The following ARFGAP3 variants were observed in gnomAD, a reference collection of about 807,000 sequenced individuals.
ARFGAP3 encodes ARF GTPase activating protein 3, also known as ADP-ribosylation factor GTPase-activating protein 3.
ARFGAP3 carries 72 observed loss-of-function variants against 75.0 expected under a neutral mutation model. The ratio of observed to expected loss-of-function variants is 0.96; its 90% CI spans 0.79 to 1.17. ARFGAP3 has a LOEUF of 1.17. ARFGAP3 is among the 50% of genes most tolerant of loss of function. ARFGAP3 has a pLI of 0.00. For synonymous variants in ARFGAP3, 221 were observed against 217.9 expected (o/e 1.01, Z -0.13); for missense variants, 620 against 626.6 (o/e 0.99, Z 0.11).
At chr22:42,801,362 A>G (rs868431922) in intron 14 of ARFGAP3, among the ~76,000 whole-genome samples, 4 of 152,192 alleles carry the variant, frequency 2.6e-5, no homozygotes, top group Middle Eastern at 3.2e-3. Flanking sequence ...AATGCCCTGG[A>G]TGGGTCAGGA....
intron 1 of ARFGAP3, among the ~76,000 whole-genome samples, chr22:42,852,069 T>C (rs1214014032): frequency 6.6e-6 from 1 of 151,556 alleles, no homozygotes. Flanking sequence ...ATCTTGAAAT[T>C]CTTTTTTTTT....
At chr22:42,856,983 G>T in intron 1 of ARFGAP3, 131 bp downstream of exon 1, 3 of 879,554 alleles carry the variant, frequency 3.4e-6, no homozygotes, top group Non-Finnish European at 4.4e-6. Context: ...AGGCTGCCGC[G>T]GCCCCACAGT....
At position 42,817,994 on chromosome 22, in the gene ARFGAP3, TTGG is replaced by T. The variant is rs754113999; in HGVS notation, c.813-140_813-138del. 3.4e-5 allele frequency: 42 copies of T among 1,234,036 alleles called. 1 individual carries two copies. The highest frequency in any genetic ancestry group is 6.0e-4 in the Middle Eastern group (2 of 3,354). The allele number at this position is 1,234,036 out of a possible 1,614,324, so 76.4% of individuals were successfully genotyped here. ...CATAATTAACAATTATGAAGGCAAGTTGGTGTTTTTTCTACCTGCCTTTTTTGA... is the reference window on the plus strand; with the variant it reads ...CATAATTAACAATTATGAAGGCAAGTTGTTTTTTCTACCTGCCTTTTTTGA... On this transcript the variant is annotated intron_variant, in intron 9 of 15. Transcript: ENST00000263245.
intron 14 of ARFGAP3, among the ~76,000 whole-genome samples, chr22:42,803,554 C>G (rs1327716742): frequency 1.3e-5 from 2 of 152,236 alleles, no homozygotes; most frequent in Admixed American, 1.3e-4. Context: ...GGCTCTCACA[C>G]AGCTGCCTCC....
At position 42,834,248 on chromosome 22, in the gene ARFGAP3, A is replaced by G. The variant is rs1926422611; in HGVS notation, c.471T>C (p.Ser157=). ...TGTGAAGCATAATACATACCTCAGG[A>G]GAAACGTGAGAGGCAAAAAAATCTT... is the stretch of plus-strand genomic sequence containing the variant. ...KEEDFFASHV[S]PEVSDTAWAS... Residue 157 remains serine, a synonymous_variant, in exon 5 of 16, where the codon TCT becomes TCC. Transcript: ENST00000263245. The G allele has an allele frequency of 6.2e-7, 1 of 1,613,828 alleles. No homozygotes were observed. The highest frequency in any genetic ancestry group is 8.5e-7 in the Non-Finnish European group (1 of 1,179,944).
intron 9 of ARFGAP3, 148 bp from the exon 10 acceptor site, chr22:42,818,005 TCTAC>T: frequency 8.9e-7 from 1 of 1,129,578 alleles, no homozygotes; most frequent in Non-Finnish European, 1.2e-6. Flanking sequence ...TGGTGTTTTT[TCTAC>T]CTGCCTTTTT....
chr22:42,828,499 T>G (rs1926142675), intron 6 of ARFGAP3, among the ~76,000 whole-genome samples: 3 of 151,680 alleles, frequency 2.0e-5, no homozygotes, highest in Admixed American at 1.3e-4. Flanking sequence ...GAGGTTGTGG[T>G]GACCTGAGAT....
At chr22:42,850,129 CAG>C (rs1396572844) in intron 1 of ARFGAP3, among the ~76,000 whole-genome samples, 17 of 152,240 alleles carry the variant, frequency 1.1e-4, no homozygotes, top group Non-Finnish European at 2.1e-4. Context: ...TGCTAACTAG[CAG>C]AGTCACGCGT....
rs114701283 is a variant in ARFGAP3 at position 42,799,562 on chromosome 22, T to C, written c.1412-402A>G. Among the ~76,000 whole-genome samples, 775 of 152,212 alleles carry C rather than the reference T, an allele frequency of 5.1e-3. 1 individual carries two copies. The highest frequency in any genetic ancestry group is 0.016 in the African/African-American group (681 of 41,526). On this transcript the variant is annotated intron_variant, in intron 14 of 15. Coordinates refer to ENST00000263245, the MANE Select transcript of ARFGAP3 (RefSeq NM_014570.5). Reference sequence around the variant, plus strand: ...CTGTTTCTCATCACCTCCTCCCTCTTTTGGTAACAGTACTCCTCCCTTCCT... The same window carrying C: ...CTGTTTCTCATCACCTCCTCCCTCTCTTGGTAACAGTACTCCTCCCTTCCT...
At chr22:42,799,862 G>A (rs928024906) in intron 14 of ARFGAP3, among the ~76,000 whole-genome samples, 1 of 152,194 alleles carries the variant, frequency 6.6e-6, no homozygotes, top group African/African-American at 2.4e-5. Flanking sequence ...TGACTTAGAA[G>A]CCAAGCTCCA....
intron 7 of ARFGAP3, 200 bp from the exon 8 acceptor site, chr22:42,823,902 T>A (rs1386459527): frequency 1.6e-5 from 5 of 308,686 alleles, no homozygotes; most frequent in Non-Finnish European, 2.4e-5. Context: ...GTCCTCAGTA[T>A]TTCCACGCAG....
At chr22:42,817,615 TAATG>T in intron 10 of ARFGAP3, 110 bp downstream of exon 10, 3 of 903,996 alleles carry the variant, frequency 3.3e-6, no homozygotes, top group South Asian at 1.8e-5. Flanking sequence ...TTAGAGAAGT[TAATG>T]AATAACAAAA....
intron 6 of ARFGAP3, among the ~76,000 whole-genome samples, chr22:42,829,436 G>A (rs1926188585): frequency 6.6e-6 from 1 of 152,140 alleles, no homozygotes; most frequent in Admixed American, 6.5e-5. Context: ...AAGGGCAAAT[G>A]TGGCTGCAGT....
rs1446017804 is a variant in ARFGAP3 at position 42,808,806 on chromosome 22, A to C, written c.1281T>G (p.Ile427Met). ...GTCTTCCAAAATACATATCTGATGA[A>C]ATGGCCTTGACATTGCCAAACTTCT... ...AQKKFGNVKA[I>M]SSDMYFGRQS... The change falls in exon 13 of 16, where the codon ATT becomes ATG. Residue 427 changes from isoleucine to methionine, a missense_variant. Coordinates refer to ENST00000263245, the MANE Select transcript of ARFGAP3 (RefSeq NM_014570.5). 1.2e-6 allele frequency: 2 copies of C among 1,613,614 alleles called. No individual in the cohort carries two copies. The highest frequency in any genetic ancestry group is 3.3e-4 in the Middle Eastern group (2 of 6,062).
chr22:42,797,851 C>T lies in ARFGAP3; in HGVS notation c.1534-246G>A, dbSNP rs542124514. 23 of 629,682 alleles carry T rather than the reference C, an allele frequency of 3.7e-5. No individual in the cohort carries two copies. In the South Asian group the frequency reaches 1.5e-3, roughly 41 times the overall value. 39.0% of individuals were successfully genotyped at this position (629,682 alleles called of 1,614,324 possible). A position where few individuals can be genotyped will look rare whatever the true frequency, so the allele number is the denominator to read the frequency against. ...TGCCTCTGGCATCCACGGCCACAGT[C>T]CTGGGATCAGGAGGCAGGGAGCAAA... On this transcript the variant is annotated intron_variant, in intron 15 of 15. Transcript: ENST00000263245.
intron 1 of ARFGAP3, among the ~76,000 whole-genome samples, chr22:42,853,153 T>C (rs1172934405): frequency 6.6e-6 from 1 of 152,178 alleles, no homozygotes; most frequent in African/African-American, 2.4e-5. Context: ...TTCACATAAA[T>C]TATCTTATAA....
At position 42,810,796 on chromosome 22, in the gene ARFGAP3, C is replaced by A; in HGVS notation, c.1196+17G>T. ...GCATGGATTCACTACTACAACCCCA[C>A]AGTTTTGCATTCATACCTGTCTGAA... is the stretch of plus-strand genomic sequence containing the variant. On this transcript the variant is annotated intron_variant, in intron 12 of 15. Coordinates refer to ENST00000263245, the MANE Select transcript of ARFGAP3 (RefSeq NM_014570.5). The A allele has an allele frequency of 6.2e-7, 1 of 1,604,400 alleles. No individual in the cohort carries two copies. Among genetic ancestry groups the A allele is most frequent in the Non-Finnish European group, 8.5e-7 (1 of 1,173,870 alleles).
At chr22:42,827,974 T>C (rs1179736993) in intron 6 of ARFGAP3, among the ~76,000 whole-genome samples, 1 of 152,190 alleles carries the variant, frequency 6.6e-6, no homozygotes, top group Non-Finnish European at 1.5e-5. Flanking sequence ...TTATTTTATT[T>C]ATTACTTTAA....
At chr22:42,833,913 C>A (rs1389967585) in intron 5 of ARFGAP3, among the ~76,000 whole-genome samples, 1 of 152,104 alleles carries the variant, frequency 6.6e-6, no homozygotes. Context: ...CAGATTCAGT[C>A]CCCCCAAAAA....
Sources: allele counts gnomAD v4.1 joint callset (sites outside exome capture counted in the v4.1 genomes callset), GRCh38; gene constraint gnomAD v4.1.1; transcripts MANE v1.5; gene names NCBI Gene and HGNC (gene_info 2026-07-23, HGNC 2026-07-21).